Variants in ANKS1B observed in about 807,000 individuals in gnomAD.
ANKS1B encodes ankyrin repeat and sterile alpha motif domain-containing protein 1B.
ANKS1B carries 36 observed loss-of-function variants against 148.3 expected under a neutral mutation model. That is an observed-to-expected ratio of 0.24 (90% CI 0.19 to 0.32). The LOEUF is 0.32. ANKS1B is among the 10% of genes least tolerant of loss of function. ANKS1B has a pLI of 1.00. For synonymous variants in ANKS1B, 542 were observed against 560.8 expected (o/e 0.97, Z 0.47); for missense variants, 1,157 against 1,542.6 (o/e 0.75, Z 4.19).
At chr12:98,790,225 C>T (rs1042358826) in intron 22 of ANKS1B, among the ~76,000 whole-genome samples, 1 of 152,080 alleles carries the variant, frequency 6.6e-6, no homozygotes, top group Admixed American at 6.5e-5. Flanking sequence ...TATGAAGGGA[C>T]CCACTGAGGA....
intron 14 of ANKS1B, among the ~76,000 whole-genome samples, chr12:99,157,943 C>T (rs2076248779): frequency 6.6e-6 from 1 of 152,050 alleles, no homozygotes; most frequent in Admixed American, 6.6e-5. Context: ...ATATAGACTG[C>T]CTGAATTTTA....
At chr12:99,698,217 A>G (rs2054227624) in intron 8 of ANKS1B, among the ~76,000 whole-genome samples, 3 of 152,184 alleles carry the variant, frequency 2.0e-5, no homozygotes, top group Non-Finnish European at 2.9e-5. Context: ...TATCAAATAG[A>G]TAACTATATA....
At chr12:99,227,293 C>T (rs1321526508) in intron 14 of ANKS1B, among the ~76,000 whole-genome samples, 1 of 152,136 alleles carries the variant, frequency 6.6e-6, no homozygotes, top group African/African-American at 2.4e-5. Context: ...TGCCTGCTCC[C>T]GCTTTGACAC....
chr12:99,794,925 CA>C (rs2066068755), intron 4 of ANKS1B, among the ~76,000 whole-genome samples: 1 of 151,482 alleles, frequency 6.6e-6, no homozygotes, highest in African/African-American at 2.4e-5. Context: ...ATACATGTAC[CA>C]AAATATCTCA....
intron 1 of ANKS1B, among the ~76,000 whole-genome samples, chr12:99,873,826 G>A (rs1315912315): frequency 6.6e-6 from 1 of 152,030 alleles, no homozygotes; most frequent in African/African-American, 2.4e-5. Flanking sequence ...CGTTCAATCA[G>A]TTGAAGGCCT....
intron 9 of ANKS1B, among the ~76,000 whole-genome samples, chr12:99,569,811 T>C (rs1188809905): frequency 6.6e-6 from 1 of 152,198 alleles, no homozygotes; most frequent in African/African-American, 2.4e-5. Context: ...TGAGCCAGCC[T>C]GCCAGTTCAG....
In ANKS1B at chr12:99,484,575, T is replaced by C. The variant is rs139493502; in HGVS notation, c.1438+19901A>G. ...TTTTACGTCTCAAAGATCTGTCTAG[T>C]GGTGTCAGTGGTAAATTAAAATCTT... On this transcript the variant is annotated intron_variant, in intron 10 of 26. Coordinates refer to ENST00000683438, the MANE Select transcript of ANKS1B (RefSeq NM_001352186.2). 2.6e-5 allele frequency among the ~76,000 whole-genome samples: 4 copies of C among 152,090 alleles called. No individual in the cohort carries two copies. In the East Asian group the frequency reaches 5.8e-4, roughly 22 times the overall value.
At chr12:99,263,113 G>A (rs1300052411) in intron 12 of ANKS1B, among the ~76,000 whole-genome samples, 2 of 151,960 alleles carry the variant, frequency 1.3e-5, no homozygotes, top group South Asian at 4.2e-4. Context: ...TTTCGTAGGT[G>A]AGGAGTTGAA....
intron 9 of ANKS1B, among the ~76,000 whole-genome samples, chr12:99,531,079 G>A (rs1388307264): frequency 1.3e-5 from 2 of 152,018 alleles, no homozygotes; most frequent in African/African-American, 4.8e-5. Flanking sequence ...TCCTTCATAG[G>A]CAATCATAAA....
chr12:98,990,185 C>A (rs927808173), intron 17 of ANKS1B, among the ~76,000 whole-genome samples: 1 of 152,092 alleles, frequency 6.6e-6, no homozygotes, highest in Non-Finnish European at 1.5e-5. Flanking sequence ...TCTTCAATTT[C>A]TTTCATCAGT....
At chr12:98,911,652 T>C (rs1415899579) in intron 17 of ANKS1B, among the ~76,000 whole-genome samples, 1 of 152,198 alleles carries the variant, frequency 6.6e-6, no homozygotes, top group Non-Finnish European at 1.5e-5. Context: ...TACAGTCTGG[T>C]GTGTGCAAAA....
intron 1 of ANKS1B, among the ~76,000 whole-genome samples, chr12:99,869,292 A>C (rs1326423448): frequency 1.3e-5 from 2 of 152,134 alleles, no homozygotes; most frequent in East Asian, 3.9e-4. Context: ...AGACAACTAG[A>C]ATAATTAAGA....
chr12:99,679,008 C>G (rs2098598465), intron 8 of ANKS1B, among the ~76,000 whole-genome samples: 1 of 152,140 alleles, frequency 6.6e-6, no homozygotes, highest in Non-Finnish European at 1.5e-5. Context: ...AAAGAAAGAA[C>G]TCTTGAATTT....
chr12:99,275,472 TTAACA>T (rs1202696592), intron 12 of ANKS1B, among the ~76,000 whole-genome samples: 1 of 152,250 alleles, frequency 6.6e-6, no homozygotes, highest in Non-Finnish European at 1.5e-5. Context: ...CTTATTTCAC[TTAACA>T]TAACATCCTC....
intron 16 of ANKS1B, among the ~76,000 whole-genome samples, chr12:99,058,776 C>T (rs1351543123): frequency 5.1e-5 from 6 of 118,390 alleles, no homozygotes; most frequent in African/African-American, 1.3e-4. Flanking sequence ...CTCGCTCTGT[C>T]GCCCAGGCTG....
At chr12:99,948,891 C>T (rs2095142074) in intron 1 of ANKS1B, among the ~76,000 whole-genome samples, 2 of 152,224 alleles carry the variant, frequency 1.3e-5, no homozygotes, top group African/African-American at 2.4e-5. Flanking sequence ...CAATACTTTC[C>T]GATCATGGCT....
chr12:99,176,045 C>T (rs2078346805), intron 14 of ANKS1B, among the ~76,000 whole-genome samples: 1 of 152,032 alleles, frequency 6.6e-6, no homozygotes, highest in South Asian at 2.1e-4. Context: ...GATGGGGTTT[C>T]ACCATGTTGG....
At chr12:99,758,123 G>T (rs888522403) in intron 8 of ANKS1B, among the ~76,000 whole-genome samples, 4 of 151,856 alleles carry the variant, frequency 2.6e-5, no homozygotes, top group African/African-American at 9.7e-5. Context: ...ATTGATTTTT[G>T]ACCGTGAAGT....
intron 9 of ANKS1B, among the ~76,000 whole-genome samples, chr12:99,627,866 T>A (rs1010171185): frequency 1.4e-4 from 22 of 152,118 alleles, no homozygotes; most frequent in African/African-American, 5.1e-4. Flanking sequence ...AGGAAGGAAA[T>A]GGACCTTAAA....
Sources: allele counts gnomAD v4.1 joint callset (sites outside exome capture counted in the v4.1 genomes callset), GRCh38; gene constraint gnomAD v4.1.1; transcripts MANE v1.5; gene names NCBI Gene and HGNC (gene_info 2026-07-23, HGNC 2026-07-21).